Variants in USP33 observed in about 807,000 individuals in gnomAD.
USP33 encodes ubiquitin specific peptidase 33.
In USP33, 46 loss-of-function variants were observed where a neutral mutation model predicts 124.2. That is an observed-to-expected ratio of 0.37 (90% confidence interval 0.29 to 0.47). The LOEUF (loss-of-function observed/expected upper bound fraction) is 0.47. Among genes scored for constraint, USP33 ranks in the 20% least tolerant of loss-of-function variants. USP33 has a pLI of 0.99. For synonymous variants in USP33, 350 were observed against 352.3 expected, an observed-to-expected ratio of 0.99 and a Z score of 0.07; for missense variants, 851 against 1,070.6, an observed-to-expected ratio of 0.79 and a Z score of 2.86.
At chr1:77,756,210 T>C (rs1356255254) in intron 1 of USP33, among the ~76,000 whole-genome samples, 2 of 152,168 alleles carry the variant, frequency 1.3e-5, no homozygotes, top group Non-Finnish European at 2.9e-5. Context: ...CCCAAGTGAC[T>C]GAGACTACAG....
Position 77,715,846 on chromosome 1 carries a change from G to A in USP33, c.1941C>T (p.Cys647=). 2 of 1,613,656 alleles carry A rather than the reference G, an allele frequency of 1.2e-6. No homozygotes were observed. The highest frequency in any genetic ancestry group is 1.7e-6 in the Non-Finnish European group (2 of 1,179,864). Residue 647 remains cysteine, a synonymous_variant, in exon 18 of 24, where the codon TGC becomes TGT. Transcript: ENST00000370794. ...TASSGHYIAY[C]RNNLNNLWYE... ...ACCAGAGATTATTTAGATTGTTTCG[G>A]CAGTAGGCTATATAGTGTCCACCTG...
rs535041563 is a variant in USP33 at position 77,697,009 on chromosome 1, G to C, written c.*308C>G. Reference sequence around the variant, plus strand: ...AGGCAGGAGAATCGCTTGAACCCAGGAGGTGGAGGCTGCAGTGAGCTGAGG... The same window carrying C: ...AGGCAGGAGAATCGCTTGAACCCAGCAGGTGGAGGCTGCAGTGAGCTGAGG... On this transcript the variant is annotated 3_prime_UTR_variant, in exon 24 of 24. Coordinates refer to ENST00000370794, the MANE Select transcript of USP33 (RefSeq NM_201624.3). The C allele has an allele frequency of 4.1e-5, 7 of 170,780 alleles. No homozygotes were observed. 10.6% of individuals were successfully genotyped at this position (170,780 alleles called of 1,614,324 possible). A position where few individuals can be genotyped will look rare whatever the true frequency, so the allele number is the denominator to read the frequency against.
chr1:77,699,611 A>T (rs1464672852), intron 22 of USP33, among the ~76,000 whole-genome samples: 3 of 152,226 alleles, frequency 2.0e-5, no homozygotes, highest in African/African-American at 7.2e-5. Flanking sequence ...AAATTAGTTC[A>T]ACCATTGTGG....
intron 4 of USP33, among the ~76,000 whole-genome samples, chr1:77,740,658 T>G (rs1232638111): frequency 6.6e-6 from 1 of 152,220 alleles, no homozygotes; most frequent in East Asian, 1.9e-4. Flanking sequence ...CCTGGCCGGA[T>G]GTACACTTTT....
At chr1:77,751,563 G>A (rs1048820877) in intron 1 of USP33, among the ~76,000 whole-genome samples, 7 of 152,278 alleles carry the variant, frequency 4.6e-5, no homozygotes, top group African/African-American at 1.4e-4. Context: ...AGGCTGAGGT[G>A]GGAGGATCAC....
intron 17 of USP33, among the ~76,000 whole-genome samples, chr1:77,716,859 CT>C (rs1462660161): frequency 6.7e-6 from 1 of 149,392 alleles, no homozygotes; most frequent in East Asian, 2.0e-4. Flanking sequence ...AAAACATATT[CT>C]TTTTTTTCTT....
chr1:77,757,712 T>C (rs901229257), intron 1 of USP33, among the ~76,000 whole-genome samples: 5 of 152,230 alleles, frequency 3.3e-5, no homozygotes. Flanking sequence ...GCTCCAATCT[T>C]AATCTATCTG....
At chr1:77,736,243 C>T in intron 5 of USP33, 85 bp from the exon 6 acceptor site, 8 of 768,122 alleles carry the variant, frequency 1.0e-5, no homozygotes, top group Non-Finnish European at 1.4e-5. Context: ...ACATCTATAC[C>T]ATAAAAATTA....
At chr1:77,730,955 G>A (rs1677737244) in intron 7 of USP33, among the ~76,000 whole-genome samples, 1 of 152,130 alleles carries the variant, frequency 6.6e-6, no homozygotes, top group Admixed American at 6.5e-5. Flanking sequence ...ACACTTTTCA[G>A]TCCCCACTCA....
At chr1:77,730,772 C>G in intron 7 of USP33, 41 bp from the exon 8 acceptor site, 1 of 1,341,534 alleles carries the variant, frequency 7.5e-7, no homozygotes, top group Non-Finnish European at 1.0e-6. Context: ...GGAGTCAAAG[C>G]TAATACTGAT....
chr1:77,713,412 T>A, intron 19 of USP33, 131 bp from the exon 20 acceptor site: 1 of 753,562 alleles, frequency 1.3e-6, no homozygotes, highest in South Asian at 1.9e-5. Flanking sequence ...GGAAGGGTCT[T>A]GTTCTGTCAC....
intron 21 of USP33, among the ~76,000 whole-genome samples, chr1:77,706,435 G>A (rs1674640111): frequency 6.6e-6 from 1 of 152,136 alleles, no homozygotes; most frequent in South Asian, 2.1e-4. Context: ...GTCTGGATAT[G>A]AGTCCTTTGA....
chr1:77,748,786 C>A lies in USP33; in HGVS notation c.-51-7038G>T, dbSNP rs868838796. ...TTGGCAGCATTCCTTCCCTCCCCCC[C>A]CCCCCCGTGCTTGAATCAGGATTGG... On this transcript the variant is annotated intron_variant, in intron 1 of 23. Coordinates refer to ENST00000370794, the MANE Select transcript of USP33 (RefSeq NM_201624.3). Among the ~76,000 whole-genome samples, 442 of 82,234 alleles carry A rather than the reference C, an allele frequency of 5.4e-3. 23 individuals are homozygous for A. Among genetic ancestry groups the A allele is most frequent in the African/African-American group, 0.029 (398 of 13,566 alleles). 53.9% of individuals were successfully genotyped at this position (82,234 alleles called of 152,430 possible). A position where few individuals can be genotyped will look rare whatever the true frequency, so the allele number is the denominator to read the frequency against.
At chr1:77,750,624 A>AAGAGAAAGAAAG (rs1553201871) in intron 1 of USP33, among the ~76,000 whole-genome samples, 28 of 123,288 alleles carry the variant, frequency 2.3e-4, no homozygotes, top group Non-Finnish European at 3.6e-4. Flanking sequence ...CCTGACTTAA[A>AAGAGAAAGAAAG]AAAGAAAGAA....
intron 5 of USP33, among the ~76,000 whole-genome samples, chr1:77,738,072 T>A (rs1028230961): frequency 2.6e-5 from 4 of 152,222 alleles, no homozygotes; most frequent in African/African-American, 9.6e-5. Flanking sequence ...GAAACAGTAA[T>A]GGTTATAATT....
chr1:77,753,102 T>A (rs796269078), intron 1 of USP33, among the ~76,000 whole-genome samples: 1 of 151,970 alleles, frequency 6.6e-6, no homozygotes, highest in African/African-American at 2.4e-5. Context: ...ATAAAAAAAA[T>A]TAGCTAAAAT....
At chr1:77,711,646 C>T in intron 21 of USP33, 101 bp downstream of exon 21, 2 of 1,516,700 alleles carry the variant, frequency 1.3e-6, no homozygotes, top group South Asian at 1.4e-5. Context: ...AAATCTATTA[C>T]AACTCTTTCA....
In USP33 at chr1:77,714,765, T is replaced by A. The variant is rs143027050; in HGVS notation, c.2064A>T (p.Ala688=). 1 of 1,612,120 alleles carries A rather than the reference T, an allele frequency of 6.2e-7. No individual in the cohort carries two copies. The highest frequency in any genetic ancestry group is 1.7e-5 in the Admixed American group (1 of 59,928). The change falls in exon 19 of 24, where the codon GCA becomes GCT. Residue 688 remains alanine (A), a synonymous_variant. Coordinates refer to ENST00000370794, the MANE Select transcript of USP33 (RefSeq NM_201624.3). ...VLFYRKSSEE[A]QKERRRISNL... ...TTGATATCCTTCTCCTCTCTTTTTGTGCCTCTTCGCTGCTCTTCCTATTAA... is the reference window on the plus strand; with the variant it reads ...TTGATATCCTTCTCCTCTCTTTTTGAGCCTCTTCGCTGCTCTTCCTATTAA...
chr1:77,698,749 C>T (rs989468765), intron 22 of USP33, among the ~76,000 whole-genome samples: 29 of 152,066 alleles, frequency 1.9e-4, no homozygotes, highest in African/African-American at 6.8e-4. Context: ...ATCCACCCCC[C>T]TCGGCCTCCC....
Sources: allele counts gnomAD v4.1 joint callset (sites outside exome capture counted in the v4.1 genomes callset), GRCh38; gene constraint gnomAD v4.1.1; transcripts MANE v1.5; gene names NCBI Gene and HGNC (gene_info 2026-07-23, HGNC 2026-07-21).